Variants in ELOVL6 observed in about 807,000 individuals in gnomAD.
The protein encoded by ELOVL6 is very long chain fatty acid elongase 6.
ELOVL6 carries 8 observed loss-of-function variants against 31.7 expected under a neutral mutation model. The observed-to-expected ratio is 0.25, with a 90% CI of 0.15 to 0.45. The LOEUF is 0.45. Ranked by LOEUF, ELOVL6 falls within the 20% of genes least tolerant of loss-of-function variation. The pLI, the probability that ELOVL6 is intolerant of heterozygous loss-of-function variation, is 1.00. For missense variants in ELOVL6, 126 were observed against 326.4 expected, an observed-to-expected ratio of 0.39 and a Z score of 4.73; for synonymous variants, 101 against 117.7, an observed-to-expected ratio of 0.86 and a Z score of 0.92.
At chr4:110,158,288 T>C (rs149130286) in intron 1 of ELOVL6, among the ~76,000 whole-genome samples, 2 of 152,250 alleles carry the variant, frequency 1.3e-5, no homozygotes, top group Non-Finnish European at 2.9e-5. Flanking sequence ...TAGTGGACCA[T>C]TGTGTGCACA....
intron 1 of ELOVL6, among the ~76,000 whole-genome samples, chr4:110,126,765 TA>T (rs1333805579): frequency 6.6e-6 from 1 of 152,172 alleles, no homozygotes; most frequent in Non-Finnish European, 1.5e-5. Context: ...TGCACTGAAG[TA>T]AAAGTCTTAG....
At position 110,116,119 on chromosome 4, in the gene ELOVL6, T is replaced by C. The variant is rs373773495; in HGVS notation, c.90-10491A>G. On this transcript the variant is annotated intron_variant, in intron 1 of 3. Coordinates refer to ENST00000302274, the MANE Select transcript of ELOVL6 (RefSeq NM_024090.3). ...ACAACCCATGTGATTAGATGTCCCC[T>C]GCCCAAAGATATTCTGGAATAATCT... 2.0e-4 allele frequency among the ~76,000 whole-genome samples: 31 copies of C among 152,356 alleles called. No homozygotes were observed. In the East Asian group the frequency reaches 5.2e-3, roughly 26 times the overall value.
At position 110,047,499 on chromosome 4, in the gene ELOVL6, C is replaced by T. The variant is rs966162875; in HGVS notation, c.*3839G>A. 6.6e-6 allele frequency: 1 copy of T among 152,260 alleles called. No homozygotes were observed. The highest frequency in any genetic ancestry group is 2.4e-5 in the African/African-American group (1 of 41,470). 9.4% of individuals were successfully genotyped at this position (152,260 alleles called of 1,614,324 possible). On this transcript the variant is annotated 3_prime_UTR_variant, in exon 4 of 4. Coordinates refer to ENST00000302274, the MANE Select transcript of ELOVL6 (RefSeq NM_024090.3). Reference sequence around the variant, plus strand: ...TTCAGAAGCTGGGGCTATGGCCAGACTTCTGGAACATTCTACTCTAGCATC... The same window carrying T: ...TTCAGAAGCTGGGGCTATGGCCAGATTTCTGGAACATTCTACTCTAGCATC...
intron 1 of ELOVL6, among the ~76,000 whole-genome samples, chr4:110,163,113 G>A (rs879883355): frequency 9.2e-5 from 14 of 152,288 alleles, no homozygotes; most frequent in African/African-American, 2.9e-4. Context: ...CAATATCTGA[G>A]GTATTCAGAC....
At chr4:110,109,333 TGG>T (rs1281943000) in intron 1 of ELOVL6, among the ~76,000 whole-genome samples, 2 of 152,198 alleles carry the variant, frequency 1.3e-5, no homozygotes, top group African/African-American at 4.8e-5. Context: ...CTTTTCAGTG[TGG>T]TGATTCAGGA....
chr4:110,152,354 TTA>T (rs981564763), intron 1 of ELOVL6, among the ~76,000 whole-genome samples: 1 of 152,164 alleles, frequency 6.6e-6, no homozygotes, highest in African/African-American at 2.4e-5. Flanking sequence ...TTTCCTGGCA[TTA>T]TATATATAGC....
At chr4:110,132,971 T>C (rs1282952919) in intron 1 of ELOVL6, among the ~76,000 whole-genome samples, 1 of 152,120 alleles carries the variant, frequency 6.6e-6, no homozygotes. Context: ...AGATATCTAT[T>C]TGGAAGTCAT....
At chr4:110,079,165 A>G (rs1755752981) in intron 2 of ELOVL6, among the ~76,000 whole-genome samples, 1 of 152,214 alleles carries the variant, frequency 6.6e-6, no homozygotes, top group South Asian at 2.1e-4. Context: ...CCTACTGTCA[A>G]CATTAGACAG....
At chr4:110,173,301 C>T (rs1759006674) in intron 1 of ELOVL6, among the ~76,000 whole-genome samples, 2 of 152,064 alleles carry the variant, frequency 1.3e-5, no homozygotes, top group Non-Finnish European at 2.9e-5. Context: ...CCAATGTGTT[C>T]TCTGAGTGCT....
chr4:110,110,375 TA>T (rs5860997), intron 1 of ELOVL6, among the ~76,000 whole-genome samples: 96,271 of 146,856 alleles, frequency 0.66, 33,788 homozygotes, highest in African/African-American at 0.9. Flanking sequence ...TTTTTTACGT[TA>T]AAAAAAATGG....
At chr4:110,053,035 G>A (rs535838168) in intron 3 of ELOVL6, among the ~76,000 whole-genome samples, 46 of 152,328 alleles carry the variant, frequency 3.0e-4, no homozygotes, top group African/African-American at 9.9e-4. Context: ...CTGGGCTCAA[G>A]TGATCCTCCC....
chr4:110,087,601 C>T (rs1220204322), intron 2 of ELOVL6, among the ~76,000 whole-genome samples: 3 of 152,084 alleles, frequency 2.0e-5, no homozygotes, highest in Non-Finnish European at 4.4e-5. Flanking sequence ...TCTCTGACAC[C>T]ACTCCTCATT....
intron 1 of ELOVL6, among the ~76,000 whole-genome samples, chr4:110,124,537 A>G (rs1291952180): frequency 2.0e-5 from 3 of 152,126 alleles, no homozygotes; most frequent in African/African-American, 7.2e-5. Flanking sequence ...AGGGAACAAC[A>G]CACACTGGGG....
At chr4:110,064,119 T>C (rs992195430) in intron 2 of ELOVL6, among the ~76,000 whole-genome samples, 6 of 150,246 alleles carry the variant, frequency 4.0e-5, no homozygotes, top group Admixed American at 4.0e-4. Context: ...AAAAGAAATA[T>C]ACCATACATA....
At chr4:110,147,091 C>G (rs1349087748) in intron 1 of ELOVL6, 2 of 155,202 alleles carry the variant, frequency 1.3e-5, no homozygotes, top group East Asian at 1.9e-4. Context: ...AGATGCACCA[C>G]CAGACTTCCA....
In ELOVL6 at chr4:110,048,712, T is replaced by TTTTG. The variant is rs1754760598; in HGVS notation, c.*2625_*2626insCAAA. ...CAAAATTTTGTTTTGTTTTGTTTTGTTTTAAAAAAAATGTGGCTTTTTTCC... is the reference window on the plus strand; with the variant it reads ...CAAAATTTTGTTTTGTTTTGTTTTGTTTTGTTTAAAAAAAATGTGGCTTTTTTCC... On this transcript the variant is annotated 3_prime_UTR_variant, in exon 4 of 4. Coordinates refer to ENST00000302274, the MANE Select transcript of ELOVL6 (RefSeq NM_024090.3). 1.1e-5 allele frequency: 1 copy of TTTTG among 94,396 alleles called. No homozygotes were observed. Among genetic ancestry groups the TTTTG allele is most frequent in the Non-Finnish European group, 1.9e-5 (1 of 53,950 alleles). 5.8% of individuals were successfully genotyped at this position (94,396 alleles called of 1,614,324 possible). A position where few individuals can be genotyped will look rare whatever the true frequency, so the allele number is the denominator to read the frequency against.
At chr4:110,140,192 T>G (rs969890295) in intron 1 of ELOVL6, among the ~76,000 whole-genome samples, 2 of 152,166 alleles carry the variant, frequency 1.3e-5, no homozygotes, top group African/African-American at 4.8e-5. Flanking sequence ...GGTGAAAAAG[T>G]TGGGTCTCTT....
chr4:110,068,930 C>T (rs1052408781), intron 2 of ELOVL6, among the ~76,000 whole-genome samples: 5 of 152,150 alleles, frequency 3.3e-5, no homozygotes, highest in Admixed American at 6.6e-5. Context: ...ATTGCCTAAG[C>T]TCAGGAGTTT....
At chr4:110,117,903 A>AAAAAAAAAAAATATATATATAT in intron 1 of ELOVL6, 4 of 6,498 alleles carry the variant, frequency 6.2e-4, no homozygotes, top group Non-Finnish European at 1.1e-3. Context: ...AAAAAAAAAA[A>AAAAAAAAAAAATATATATATAT]ATATATATAT....
Sources: allele counts gnomAD v4.1 joint callset (sites outside exome capture counted in the v4.1 genomes callset), GRCh38; gene constraint gnomAD v4.1.1; transcripts MANE v1.5; gene names NCBI Gene and HGNC (gene_info 2026-07-23, HGNC 2026-07-21).